Variants in TUSC3 observed in about 807,000 individuals in gnomAD.
The protein encoded by TUSC3 is dolichyl-diphosphooligosaccharide--protein glycosyltransferase subunit TUSC3.
Under a neutral mutation model 44.8 loss-of-function variants are expected in TUSC3, and 45 were observed. The ratio of observed to expected loss-of-function variants is 1.00; its 90% CI spans 0.79 to 1.29. TUSC3 has a LOEUF of 1.29. TUSC3 is among the 50% of genes most tolerant of loss of function. The pLI, the probability that TUSC3 is intolerant of heterozygous loss-of-function variation, is 0.00. For missense variants in TUSC3, 519 were observed against 437.9 expected (o/e 1.19, Z -1.65); for synonymous variants, 212 against 152.9 (o/e 1.39, Z -2.85).
the TUSC3 span, among the ~76,000 whole-genome samples, chr8:15,850,112 T>C: frequency 6.5e-5 from 1 of 15,280 alleles, no homozygotes; most frequent in Non-Finnish European, 1.5e-4. Context: ...TTGTTTATCC[T>C]TTTTTTTTTT....
intron 1 of TUSC3, among the ~76,000 whole-genome samples, chr8:15,599,931 C>T (rs1324334052): frequency 6.6e-6 from 1 of 151,646 alleles, no homozygotes; most frequent in Non-Finnish European, 1.5e-5. Context: ...TGTCTATCAT[C>T]ACTTATTAGT....
At chr8:15,771,022 C>T (rs1812432367), downstream of TUSC3, among the ~76,000 whole-genome samples, 1 of 152,196 alleles carries the variant, frequency 6.6e-6, no homozygotes, top group South Asian at 2.1e-4. Flanking sequence ...GCAAGAGAGA[C>T]GTGATTCAAC....
intron 1 of TUSC3, among the ~76,000 whole-genome samples, chr8:15,452,288 T>C (rs1262594786): frequency 6.6e-6 from 1 of 152,346 alleles, no homozygotes; most frequent in Admixed American, 6.5e-5. Flanking sequence ...ACCTGTTGAA[T>C]GTGTTGAGTT....
At chr8:15,827,317 A>C in the TUSC3 span, among the ~76,000 whole-genome samples, 1 of 152,338 alleles carries the variant, frequency 6.6e-6, no homozygotes, top group Non-Finnish European at 1.5e-5. Context: ...GAAGACATTA[A>C]AAAATATTTC....
At chr8:15,659,474 C>T (rs1807324374) in intron 3 of TUSC3, 33 bp from the exon 4 acceptor site, 4 of 1,604,630 alleles carry the variant, frequency 2.5e-6, no homozygotes, top group Non-Finnish European at 3.4e-6. Flanking sequence ...TAAGATGATC[C>T]TATATTTAGT....
chr8:15,772,977 A>ACTC, the TUSC3 span, among the ~76,000 whole-genome samples: 1 of 151,982 alleles, frequency 6.6e-6, no homozygotes, highest in Non-Finnish European at 1.5e-5. Context: ...AAGTGAACAC[A>ACTC]AACACTCAAC....
intron 1 of TUSC3, among the ~76,000 whole-genome samples, chr8:15,424,329 G>C (rs1199167705): frequency 6.6e-6 from 1 of 151,898 alleles, no homozygotes; most frequent in Non-Finnish European, 1.5e-5. Flanking sequence ...AGCAACTCTA[G>C]AACAACCTGG....
chr8:15,646,995 G>A (rs1164442096), intron 2 of TUSC3, among the ~76,000 whole-genome samples: 3 of 151,470 alleles, frequency 2.0e-5, no homozygotes, highest in Admixed American at 6.6e-5. Context: ...TTTGATTCCC[G>A]CATTGTGATA....
rs1399814847 is a variant in TUSC3, at chr8:15,720,212, A to ACACACACACACACT, written c.799-10441_799-10440insTCACACACACACAC. 5.4e-5 allele frequency among the ~76,000 whole-genome samples: 8 copies of ACACACACACACACT among 148,326 alleles called. No homozygotes were observed. In the East Asian group the frequency reaches 1.6e-3, roughly 29 times the overall value. On this transcript the variant is annotated intron_variant, in intron 6 of 10. Coordinates refer to ENST00000503731, the MANE Select transcript of TUSC3 (RefSeq NM_006765.4). ...AGTGTATATATATATACACACACAC[A>ACACACACACACACT]CACACACACACACACACACACAGAG...
chr8:15,467,591 T>G (rs1165853153), intron 1 of TUSC3, among the ~76,000 whole-genome samples: 1 of 152,144 alleles, frequency 6.6e-6, no homozygotes, highest in Non-Finnish European at 1.5e-5. Context: ...AGTAAAGCCT[T>G]TTCTCATTTG....
intron 2 of TUSC3, among the ~76,000 whole-genome samples, chr8:15,627,993 C>G (rs953104763): frequency 1.3e-5 from 2 of 152,290 alleles, no homozygotes; most frequent in South Asian, 4.1e-4. Flanking sequence ...AAGCGACACC[C>G]CAAGGATCCC....
intron 6 of TUSC3, among the ~76,000 whole-genome samples, chr8:15,681,663 A>G (rs923307938): frequency 2.0e-5 from 3 of 151,180 alleles, no homozygotes; most frequent in Admixed American, 1.3e-4. Context: ...CTGGGCTTCA[A>G]TTTCATTCAA....
In TUSC3 at chr8:15,649,012, G is replaced by T. The variant is rs1038280491; in HGVS notation, c.309-1685G>T. Among the ~76,000 whole-genome samples, 324 of 152,128 alleles carry T rather than the reference G, an allele frequency of 2.1e-3. 2 individuals carry two copies. The highest frequency in any genetic ancestry group is 3.4e-3 in the Middle Eastern group (1 of 294). ...CCATGAAACAGTAACAGGCTAGGTC[G>T]TTAGCTTGCATTATATATGTGGTAA... On this transcript the variant is annotated intron_variant, in intron 2 of 10. Coordinates refer to ENST00000503731, the MANE Select transcript of TUSC3 (RefSeq NM_006765.4).
At chr8:15,474,530 C>T (rs1800548984) in intron 1 of TUSC3, among the ~76,000 whole-genome samples, 2 of 152,052 alleles carry the variant, frequency 1.3e-5, no homozygotes, top group Non-Finnish European at 2.9e-5. Flanking sequence ...AGATTGCTGA[C>T]ACAGTAATTA....
chr8:15,645,579 A>G (rs1345134784), intron 2 of TUSC3, among the ~76,000 whole-genome samples: 1 of 152,100 alleles, frequency 6.6e-6, no homozygotes, highest in Non-Finnish European at 1.5e-5. Context: ...TAACCTCTTA[A>G]AAGTGGAGAC....
At chr8:15,698,799 T>C in intron 6 of TUSC3, among the ~76,000 whole-genome samples, 1 of 152,158 alleles carries the variant, frequency 6.6e-6, no homozygotes, top group Non-Finnish European at 1.5e-5. Flanking sequence ...AGTTTGCTTA[T>C]CAATAAGTTA....
At chr8:15,827,994 CTTT>C in the TUSC3 span, among the ~76,000 whole-genome samples, 49 of 138,130 alleles carry the variant, frequency 3.5e-4, no homozygotes, top group Middle Eastern at 3.8e-3. Context: ...AATTTGGTAT[CTTT>C]TTTTTTTTTT....
At chr8:15,482,088 A>G (rs536719049) in intron 1 of TUSC3, among the ~76,000 whole-genome samples, 10 of 152,328 alleles carry the variant, frequency 6.6e-5, no homozygotes, top group African/African-American at 1.7e-4. Flanking sequence ...CACCAGGAGT[A>G]TATTCCATCT....
intron 1 of TUSC3, among the ~76,000 whole-genome samples, chr8:15,426,242 T>C (rs1241460388): frequency 6.6e-6 from 1 of 152,180 alleles, no homozygotes; most frequent in Non-Finnish European, 1.5e-5. Flanking sequence ...TGTTCTTGTT[T>C]CTCTGTGAAA....
Sources: gnomAD v4.1 joint callset for allele counts (sites outside exome capture counted in the v4.1 genomes callset) on GRCh38, gnomAD v4.1.1 for gene constraint, MANE v1.5 for transcripts, NCBI Gene and HGNC (gene_info 2026-07-23, HGNC 2026-07-21) for gene names.